MYRIP: variants seen among roughly 807,000 people sequenced by gnomAD.
The protein encoded by MYRIP is rab effector MyRIP.
A neutral mutation model predicts 98.0 loss-of-function variants in MYRIP; 49 were observed. The ratio of observed to expected loss-of-function variants is 0.50; its 90% confidence interval spans 0.40 to 0.63. The LOEUF is 0.63. MYRIP is among the 30% of genes least tolerant of loss of function. The pLI is 0.00. For missense variants in MYRIP, 1,004 were observed against 1,058.2 expected (o/e 0.95, Z 0.71); for synonymous variants, 404 against 409.5 (o/e 0.99, Z 0.16).
At chr3:40,032,711 A>C (rs188527093) in intron 2 of MYRIP, among the ~76,000 whole-genome samples, 92 of 152,248 alleles carry the variant, frequency 6.0e-4, no homozygotes, top group African/African-American at 2.2e-3. Flanking sequence ...ATCCTCCCTA[A>C]CTCATTTTAT....
intron 3 of MYRIP, among the ~76,000 whole-genome samples, chr3:40,129,920 A>T (rs141525849): frequency 2.0e-5 from 3 of 152,326 alleles, no homozygotes; most frequent in East Asian, 3.9e-4. Context: ...GAGAATACAC[A>T]TGTTTACAAA....
intron 3 of MYRIP, among the ~76,000 whole-genome samples, chr3:40,111,111 T>C (rs1469589381): frequency 6.6e-6 from 1 of 152,150 alleles, no homozygotes. Context: ...GGCAGTTCTT[T>C]GCACTTAGGT....
At chr3:40,128,711 A>G (rs192274136) in intron 3 of MYRIP, among the ~76,000 whole-genome samples, 12 of 152,350 alleles carry the variant, frequency 7.9e-5, no homozygotes, top group African/African-American at 2.9e-4. Flanking sequence ...TTTACCCTGC[A>G]TACACAAACC....
chr3:39,832,862 A>C (rs1253622455), intron 1 of MYRIP, among the ~76,000 whole-genome samples: 6 of 152,160 alleles, frequency 3.9e-5, no homozygotes, highest in Non-Finnish European at 8.8e-5. Flanking sequence ...TTAGCCTTAG[A>C]CCCAGTCATC....
intron 3 of MYRIP, among the ~76,000 whole-genome samples, chr3:40,119,524 G>A (rs1024096869): frequency 6.6e-6 from 1 of 152,190 alleles, no homozygotes; most frequent in Non-Finnish European, 1.5e-5. Flanking sequence ...AACTGGAGGT[G>A]TGGTGAACAC....
At chr3:40,000,082 C>T (rs1387191285) in intron 2 of MYRIP, among the ~76,000 whole-genome samples, 5 of 151,166 alleles carry the variant, frequency 3.3e-5, no homozygotes, top group Non-Finnish European at 1.5e-5. Context: ...TGTTAAATGA[C>T]GAGTTAATGG....
chr3:39,878,179 G>A (rs958997932), intron 1 of MYRIP, among the ~76,000 whole-genome samples: 24 of 152,312 alleles, frequency 1.6e-4, no homozygotes, highest in African/African-American at 5.1e-4. Context: ...CTGGTGTGCC[G>A]TTTTTTAGGC....
At chr3:39,847,084 T>C (rs1040421188) in intron 1 of MYRIP, among the ~76,000 whole-genome samples, 4 of 152,186 alleles carry the variant, frequency 2.6e-5, no homozygotes, top group African/African-American at 9.7e-5. Context: ...CCCTGCAAGT[T>C]GACACATGAA....
chr3:39,825,618 A>C (rs1284936407), intron 1 of MYRIP, among the ~76,000 whole-genome samples: 1 of 152,010 alleles, frequency 6.6e-6, no homozygotes, highest in African/African-American at 2.4e-5. Context: ...ATCTATATTT[A>C]TTAGGGATAT....
At chr3:40,135,921 G>C (rs1949755014) in intron 3 of MYRIP, among the ~76,000 whole-genome samples, 1 of 152,178 alleles carries the variant, frequency 6.6e-6, no homozygotes, top group Non-Finnish European at 1.5e-5. Flanking sequence ...ACCAACCACT[G>C]CAAAAACATG....
intron 1 of MYRIP, among the ~76,000 whole-genome samples, chr3:39,819,918 T>C (rs544301960): frequency 5.3e-4 from 80 of 152,380 alleles, no homozygotes; most frequent in Non-Finnish European, 9.3e-4. Flanking sequence ...TTAAATTTTC[T>C]GTGTATATTT....
At chr3:40,043,803 A>C (rs762200800) in intron 2 of MYRIP, among the ~76,000 whole-genome samples, 9 of 152,232 alleles carry the variant, frequency 5.9e-5, no homozygotes, top group Non-Finnish European at 1.2e-4. Flanking sequence ...AATGGAAGTG[A>C]TAATGTTTTC....
chr3:40,252,494 C>T (rs1953407316), intron 16 of MYRIP, among the ~76,000 whole-genome samples: 1 of 152,176 alleles, frequency 6.6e-6, no homozygotes, highest in African/African-American at 2.4e-5. Context: ...AATTTTTACC[C>T]TGGCACAATA....
At chr3:39,828,044 A>G (rs1162141983) in intron 1 of MYRIP, among the ~76,000 whole-genome samples, 1 of 151,238 alleles carries the variant, frequency 6.6e-6, no homozygotes, top group Admixed American at 6.6e-5. Context: ...TGACAGTTTG[A>G]CTGTAACTCG....
intron 2 of MYRIP, among the ~76,000 whole-genome samples, chr3:39,902,038 T>A (rs9883106): frequency 0.061 from 9,244 of 152,172 alleles, 746 homozygotes; most frequent in African/African-American, 0.18. Context: ...ATTTCCATAT[T>A]TACATATAGA....
chr3:40,154,892 A>G (rs1170886783), intron 4 of MYRIP, among the ~76,000 whole-genome samples: 1 of 152,218 alleles, frequency 6.6e-6, no homozygotes, highest in Non-Finnish European at 1.5e-5. Flanking sequence ...ACAATTGGAT[A>G]AATAATATAT....
chr3:39,955,438 A>G (rs960513785), intron 2 of MYRIP, among the ~76,000 whole-genome samples: 13 of 152,046 alleles, frequency 8.6e-5, no homozygotes, highest in African/African-American at 2.4e-4. Context: ...AGCTTCATAA[A>G]TGAAGGAGAA....
intron 9 of MYRIP, among the ~76,000 whole-genome samples, chr3:40,188,590 C>G (rs866484490): frequency 6.6e-6 from 1 of 152,148 alleles, no homozygotes; most frequent in Non-Finnish European, 1.5e-5. Context: ...GCAGCCTGAC[C>G]AACATGGTTA....
chr3:39,887,178 G>C (rs1341912718), intron 1 of MYRIP, among the ~76,000 whole-genome samples: 1 of 151,976 alleles, frequency 6.6e-6, no homozygotes, highest in East Asian at 1.9e-4. Context: ...TCTCTGGGAC[G>C]CATTCAAAGC....
Sources: allele counts gnomAD v4.1 joint callset (sites outside exome capture counted in the v4.1 genomes callset), GRCh38; gene constraint gnomAD v4.1.1; transcripts MANE v1.5; gene names NCBI Gene and HGNC (gene_info 2026-07-23, HGNC 2026-07-21).